Variants in GRK2 observed in about 807,000 individuals in gnomAD.
GRK2 encodes the protein G protein-coupled receptor kinase 2, also known as adrenergic beta receptor kinase 1.
GRK2 carries 23 observed loss-of-function variants against 97.8 expected under a neutral mutation model. The observed-to-expected ratio is 0.24, with a 90% confidence interval of 0.17 to 0.33. The LOEUF (loss-of-function observed/expected upper bound fraction) is 0.33. Among genes scored for constraint, GRK2 ranks in the 10% least tolerant of loss-of-function variants. The pLI, the probability that GRK2 is intolerant of heterozygous loss-of-function variation, is 1.00. For synonymous variants in GRK2, 425 were observed against 381.7 expected (o/e 1.11, Z -1.32); for missense variants, 633 against 956.9 (o/e 0.66, Z 4.47).
intron 6 of GRK2, 77 bp downstream of exon 6, chr11:67,279,977 C>T (rs1860115521): frequency 3.5e-6 from 5 of 1,441,370 alleles, no homozygotes; most frequent in East Asian, 4.6e-5. Flanking sequence ...GCGTGGAGGG[C>T]AGAAGCCAGC....
rs1461500863 is a variant in GRK2 at position 67,279,917 on chromosome 11, G to A, written c.503+17G>A. On this transcript the variant is annotated intron_variant, in intron 6 of 20. Coordinates refer to ENST00000308595, the MANE Select transcript of GRK2 (RefSeq NM_001619.5). ...CATTGAGAGGTGAGAGCAGGGAAGTGTGGGAGAGGAAGGGGGAGGGAGGGG... is the reference window on the plus strand; with the variant it reads ...CATTGAGAGGTGAGAGCAGGGAAGTATGGGAGAGGAAGGGGGAGGGAGGGG... 6.2e-7 allele frequency: 1 copy of A among 1,613,366 alleles called. No individual in the cohort carries two copies. Among genetic ancestry groups the A allele is most frequent in the Non-Finnish European group, 8.5e-7 (1 of 1,179,534 alleles).
intron 6 of GRK2, 59 bp downstream of exon 6, chr11:67,279,959 T>C: frequency 6.4e-7 from 1 of 1,555,134 alleles, no homozygotes; most frequent in Non-Finnish European, 8.9e-7. Flanking sequence ...TCAGAAGGGG[T>C]ATGGCTGGCG....
At chr11:67,271,457 T>A (rs1234976861) in intron 1 of GRK2, among the ~76,000 whole-genome samples, 1 of 152,262 alleles carries the variant, frequency 6.6e-6, no homozygotes, top group African/African-American at 2.4e-5. Flanking sequence ...GTGTTTGGGA[T>A]GGGGGATAAC....
In GRK2 at chr11:67,279,845, A is replaced by G. The variant is rs770926241; in HGVS notation, c.448A>G (p.Ile150Val). Residue 150 changes from isoleucine (I) to valine (V), a missense_variant, in exon 6 of 21, where the codon ATC becomes GTC. Ile to Val is a conservative substitution (Grantham distance 29). Transcript: ENST00000308595. ...TTCCAGCTTCCTCCCTTAGCCATAC[A>G]TCGAAGAGATTTGTCAAAACCTCCG... ...QVPPDLFQPY[I>V]EEICQNLRGD... The G allele has an allele frequency of 1.1e-5, 18 of 1,613,928 alleles. No individual in the cohort carries two copies. Among genetic ancestry groups the G allele is most frequent in the East Asian group, 2.2e-5 (1 of 44,872 alleles).
chr11:67,285,437 C>T lies in GRK2; in HGVS notation c.2057C>T (p.Ala686Val). 6.4e-7 allele frequency: 1 copy of T among 1,569,214 alleles called. No individual in the cohort carries two copies. Among genetic ancestry groups the T allele is most frequent in the Non-Finnish European group, 8.6e-7 (1 of 1,157,228 alleles). The change falls in exon 21 of 21, where the codon GCC (alanine) becomes GTC (valine). Residue 686 changes from alanine to valine, a missense_variant. By Grantham distance (64) the Ala-to-Val change is moderately conservative (BLOSUM62 0). Around this residue, in one of 4 missense-constraint regions of GRK2, gnomAD observed 180 missense variants for 311.3 expected, o/e 0.58. Transcript: ENST00000308595. ...GTGCCGCTGGTCCAGCGCGGCAGTG[C>T]CAACGGCCTCTGACCCGCCCACCCG... ...SKVPLVQRGS[A>V]NGL
Position 67,282,673 on chromosome 11 carries a change from G to A in GRK2, c.1161-79G>A. 6.3e-7 allele frequency: 1 copy of A among 1,583,908 alleles called. No individual in the cohort carries two copies. Reference sequence around the variant, plus strand: ...AGGGTTGGCACCGTCCCTGACTTTGGCCACAGCTCATCCATGCTGCCTGCC... The same window carrying A: ...AGGGTTGGCACCGTCCCTGACTTTGACCACAGCTCATCCATGCTGCCTGCC... On this transcript the variant is annotated intron_variant, in intron 13 of 20. Transcript: ENST00000308595. The surrounding 1 kb of genome is among the most constrained non-coding windows in gnomAD (Gnocchi z 6.9).
intron 1 of GRK2, among the ~76,000 whole-genome samples, chr11:67,275,106 A>G (rs1017567343): frequency 6.6e-5 from 10 of 152,154 alleles, no homozygotes; most frequent in Non-Finnish European, 1.0e-4. Flanking sequence ...GGAGCAGGCC[A>G]GGGGGTCGCG....
At chr11:67,268,430 C>G (rs1859841716) in intron 1 of GRK2, among the ~76,000 whole-genome samples, 1 of 152,048 alleles carries the variant, frequency 6.6e-6, no homozygotes. Flanking sequence ...TGGGGGCTGT[C>G]CAGGGAGCAG....
chr11:67,267,820 G>A (rs1012200673), intron 1 of GRK2, among the ~76,000 whole-genome samples: 11 of 152,224 alleles, frequency 7.2e-5, no homozygotes, highest in Non-Finnish European at 1.5e-5. Flanking sequence ...TGTCCCTGTG[G>A]AACAGATGGG....
chr11:67,285,678 T>C lies in GRK2; in HGVS notation c.*228T>C. The C allele has an allele frequency of 1.8e-6, 1 of 545,684 alleles. No homozygotes were observed. The highest frequency in any genetic ancestry group is 1.9e-5 in the African/African-American group (1 of 51,568). The allele number at this position is 545,684 out of a possible 1,614,324, so 33.8% of individuals were successfully genotyped here. ...CTTCAGGGGCTGCCCGCTCCCAGTG[T>C]CTTCCTGTGGGGGAAGAGCACAGCC... On this transcript the variant is annotated 3_prime_UTR_variant, in exon 21 of 21. Transcript: ENST00000308595.
In GRK2 at chr11:67,285,491, C is replaced by A; in HGVS notation, c.*41C>A. ...TTTATAAACCTCTAATTTATTTTGT[C>A]GAATTTTTATTATTTGTTTTCCCGC... is the stretch of plus-strand genomic sequence containing the variant. On this transcript the variant is annotated 3_prime_UTR_variant, in exon 21 of 21. Coordinates refer to ENST00000308595, the MANE Select transcript of GRK2 (RefSeq NM_001619.5). 1 of 1,486,494 alleles carries A rather than the reference C, an allele frequency of 6.7e-7. No individual in the cohort carries two copies. Among genetic ancestry groups the A allele is most frequent in the South Asian group, 1.4e-5 (1 of 73,504 alleles). The allele number at this position is 1,486,494 out of a possible 1,614,324, so 92.1% of individuals were successfully genotyped here. A position where few individuals can be genotyped will look rare whatever the true frequency, so the allele number is the denominator to read the frequency against.
At chr11:67,279,122 C>T in intron 2 of GRK2, 78 bp from the exon 3 acceptor site, 1 of 1,303,632 alleles carries the variant, frequency 7.7e-7, no homozygotes, top group Non-Finnish European at 1.1e-6. Flanking sequence ...GCCCAGGGAG[C>T]CCAACCCACA....
At chr11:67,280,948 C>T in intron 7 of GRK2, 145 bp from the exon 8 acceptor site, 3 of 1,104,142 alleles carry the variant, frequency 2.7e-6, no homozygotes, top group Middle Eastern at 4.1e-4. Flanking sequence ...CATGGGGAGG[C>T]CGGAGCAGGT....
chr11:67,284,998 C>T lies in GRK2; in HGVS notation c.1791+15C>T, dbSNP rs756993845. 1.4e-5 allele frequency: 22 copies of T among 1,612,114 alleles called. No individual in the cohort carries two copies. The highest frequency in any genetic ancestry group is 6.6e-5 in the South Asian group (6 of 91,046). Reference sequence around the variant, plus strand: ...GCGAGGCCCCGGTAAGGAGCCCGTGCGGGGGTCCGGGAGCCGGGCTTCCGG... The same window carrying T: ...GCGAGGCCCCGGTAAGGAGCCCGTGTGGGGGTCCGGGAGCCGGGCTTCCGG... On this transcript the variant is annotated intron_variant, in intron 19 of 20. Coordinates refer to ENST00000308595, the MANE Select transcript of GRK2 (RefSeq NM_001619.5).
intron 7 of GRK2, 35 bp downstream of exon 7, chr11:67,280,818 C>A: frequency 1.9e-6 from 3 of 1,610,062 alleles, no homozygotes; most frequent in Non-Finnish European, 1.7e-6. Context: ...GAAAGCCACG[C>A]ACCCTGCTGC....
At position 67,281,666 on chromosome 11, in the gene GRK2, T is replaced by C; in HGVS notation, c.764T>C (p.Val255Ala). 2 of 1,609,076 alleles carry C rather than the reference T, an allele frequency of 1.2e-6. No homozygotes were observed. The highest frequency in any genetic ancestry group is 1.3e-5 in the African/African-American group (1 of 74,118). The change falls in exon 10 of 21, where the codon GTC (valine) becomes GCC (alanine). Residue 255 changes from valine (V) to alanine (A), a missense_variant. Around this residue, in one of 4 missense-constraint regions of GRK2, gnomAD observed 192 missense variants for 362.3 expected, o/e 0.53. Coordinates refer to ENST00000308595, the MANE Select transcript of GRK2 (RefSeq NM_001619.5). This position sits in a 1 kb window ranked among gnomAD's most constrained non-coding sequence, Gnocchi z 5.7. ...LVSTGDCPFI[V>A]CMSYAFHTPD... ...CCCTCCTAGGACTGCCCATTCATTGTCTGCATGTCATACGCGTTCCACACG... is the reference window on the plus strand; with the variant it reads ...CCCTCCTAGGACTGCCCATTCATTGCCTGCATGTCATACGCGTTCCACACG...
At chr11:67,275,414 C>CA (rs1331815522) in intron 1 of GRK2, among the ~76,000 whole-genome samples, 2 of 152,240 alleles carry the variant, frequency 1.3e-5, no homozygotes, top group Non-Finnish European at 2.9e-5. Context: ...TGGAAGCCCT[C>CA]ACGGGGCTGG....
chr11:67,282,382 C>T lies in GRK2; in HGVS notation c.1052+17C>T, dbSNP rs1365350456. 6.2e-7 allele frequency: 1 copy of T among 1,611,794 alleles called. No individual in the cohort carries two copies. The highest frequency in any genetic ancestry group is 1.3e-5 in the African/African-American group (1 of 75,004). On this transcript the variant is annotated intron_variant, in intron 12 of 20. Transcript: ENST00000308595. The surrounding 1 kb of genome is among the most constrained non-coding windows in gnomAD (Gnocchi z 6.9). ...TGCCAGCGTGTGAGTGCCCCCCACCCTCTCCCTCCCCACCCCTTGCCACTC... is the reference window on the plus strand; with the variant it reads ...TGCCAGCGTGTGAGTGCCCCCCACCTTCTCCCTCCCCACCCCTTGCCACTC...
rs1376740220 is a variant in GRK2, at chr11:67,283,771, A to C, written c.1393A>C (p.Lys465Gln). ...GGACTGGCAGATGGTCTTCTTGCAG[A>C]AGGTAACAGTCTGCGGCAGGGACTG... ...SLDWQMVFLQ[K>Q]YPPPLIPPRG... The change falls in exon 16 of 21, where the codon AAG (lysine) becomes CAG (glutamine). Residue 465 changes from lysine to glutamine, a missense_variant and splice_region_variant. Physicochemically the swap from Lys to Gln is moderately conservative, Grantham distance 53 (BLOSUM62 1). Around this residue, in one of 4 missense-constraint regions of GRK2, gnomAD observed 68 missense variants for 71.0 expected, o/e 0.96. Transcript: ENST00000308595. 1 of 1,613,536 alleles carries C rather than the reference A, an allele frequency of 6.2e-7. No homozygotes were observed. The highest frequency in any genetic ancestry group is 8.5e-7 in the Non-Finnish European group (1 of 1,179,994).
Sources: gnomAD v4.1 joint callset for allele counts (sites outside exome capture counted in the v4.1 genomes callset) on GRCh38, gnomAD v4.1.1 for gene constraint, gnomAD v4.1.1 regional missense constraint, Gnocchi (gnomAD v3.1) non-coding constraint, MANE v1.5 for transcripts, NCBI Gene and HGNC (gene_info 2026-07-23, HGNC 2026-07-21) for gene names.